The following KLRG1 variants were observed in gnomAD, a reference collection of about 807,000 sequenced individuals.
The protein encoded by KLRG1 is killer cell lectin like receptor G1.
Under a neutral mutation model 21.8 loss-of-function variants are expected in KLRG1, and 16 were observed. The ratio of observed to expected loss-of-function variants is 0.73; its 90% CI spans 0.50 to 1.11. KLRG1 has a LOEUF of 1.11. Ranked by LOEUF, KLRG1 falls within the 50% of genes most tolerant of loss-of-function variation. The pLI, the probability that KLRG1 is intolerant of heterozygous loss-of-function variation, is 0.00. For synonymous variants in KLRG1, 69 were observed against 75.9 expected (o/e 0.91, Z 0.47); for missense variants, 173 against 218.3 (o/e 0.79, Z 1.31).
At chr12:9,107,525 T>C in the KLRG1 span, 106 of 1,613,898 alleles carry the variant, frequency 6.6e-5, no homozygotes, top group Middle Eastern at 9.9e-4. Flanking sequence ...TCAACCTACC[T>C]GTCCACTGAA....
the KLRG1 span, among the ~76,000 whole-genome samples, chr12:9,180,303 A>G: frequency 6.6e-6 from 1 of 152,132 alleles, no homozygotes; most frequent in Non-Finnish European, 1.5e-5. Context: ...AAACTACTTT[A>G]AAGTTCATAT....
At chr12:9,101,130 AT>A in the KLRG1 span, 1 of 1,555,970 alleles carries the variant, frequency 6.4e-7, no homozygotes, top group South Asian at 1.2e-5. Flanking sequence ...TGCAGAGATG[AT>A]GGAAATACTC....
chr12:9,085,485 T>G, the KLRG1 span, among the ~76,000 whole-genome samples: 1 of 151,798 alleles, frequency 6.6e-6, no homozygotes, highest in Non-Finnish European at 1.5e-5. Flanking sequence ...AAATGGAGCA[T>G]AACAAAACAT....
chr12:9,176,405 T>A, the KLRG1 span, among the ~76,000 whole-genome samples: 1 of 152,176 alleles, frequency 6.6e-6, no homozygotes, highest in Non-Finnish European at 1.5e-5. Flanking sequence ...TGGCACATGT[T>A]TACCTATGTA....
intron 1 of KLRG1, among the ~76,000 whole-genome samples, chr12:8,958,856 CAAA>C (rs35772625): frequency 3.8e-5 from 5 of 131,722 alleles, no homozygotes; most frequent in Non-Finnish European, 4.8e-5. Context: ...TACCCTGTAT[CAAA>C]AAAAAAAAAA....
the KLRG1 span, among the ~76,000 whole-genome samples, chr12:9,155,528 C>T: frequency 6.6e-6 from 1 of 152,014 alleles, no homozygotes; most frequent in Non-Finnish European, 1.5e-5. Flanking sequence ...ACTCCATACT[C>T]AGAAATAGTT....
chr12:9,144,102 G>A, the KLRG1 span, among the ~76,000 whole-genome samples: 2 of 152,170 alleles, frequency 1.3e-5, no homozygotes, highest in Admixed American at 6.5e-5. Context: ...CTGGATTAGT[G>A]TCCAATATTG....
chr12:9,089,517 G>A, the KLRG1 span, among the ~76,000 whole-genome samples: 1 of 152,218 alleles, frequency 6.6e-6, no homozygotes, highest in Non-Finnish European at 1.5e-5. Context: ...GAGGTGGGCA[G>A]ATCACTTGAG....
the KLRG1 span, chr12:9,153,206 T>G: frequency 6.2e-7 from 1 of 1,614,198 alleles, no homozygotes; most frequent in Non-Finnish European, 8.5e-7. Flanking sequence ...GCTGCAGTAA[T>G]AGGAGGTTGT....
chr12:9,034,170 A>G, the KLRG1 span, among the ~76,000 whole-genome samples: 1 of 152,262 alleles, frequency 6.6e-6, no homozygotes, highest in African/African-American at 2.4e-5. Flanking sequence ...GTTTCGGTTA[A>G]CAATAGATCA....
At chr12:9,160,244 A>G in the KLRG1 span, 7 of 1,385,710 alleles carry the variant, frequency 5.1e-6, no homozygotes, top group African/African-American at 7.2e-5. Context: ...ATATTTGATG[A>G]TATAACTGAA....
rs752418304 is a variant in KLRG1, at chr12:9,001,432, T to A, written c.357+6144T>A. ...GCTCTGTGACCCGCCCAGCTACAGG[T>A]TTTTCCCCTGCAGGCTCTACCCAAA... On this transcript the variant is annotated intron_variant, in intron 3 of 4. Transcript: ENST00000356986. 1.4e-3 allele frequency among the ~76,000 whole-genome samples: 210 copies of A among 152,136 alleles called. 2 individuals are homozygous for A. The highest frequency in any genetic ancestry group is 4.6e-3 in the African/African-American group (190 of 41,486).
chr12:9,009,123 A>G (rs1565554910), intron 4 of KLRG1, 48 bp downstream of exon 4: 6 of 1,420,086 alleles, frequency 4.2e-6, no homozygotes, highest in Non-Finnish European at 5.9e-6. Flanking sequence ...GGAAAAAGGA[A>G]AGCCAAATTA....
chr12:9,164,228 A>T, the KLRG1 span: 1 of 1,612,936 alleles, frequency 6.2e-7, no homozygotes, highest in Non-Finnish European at 8.5e-7. Flanking sequence ...GGAAGCTAGG[A>T]AGGCTGGAGA....
chr12:9,103,375 A>G, the KLRG1 span, among the ~76,000 whole-genome samples: 13 of 152,154 alleles, frequency 8.5e-5, no homozygotes, highest in Non-Finnish European at 1.5e-5. Flanking sequence ...ACTTTATCTG[A>G]TTCAGATTCT....
At chr12:9,208,657 T>C in the KLRG1 span, among the ~76,000 whole-genome samples, 1 of 152,034 alleles carries the variant, frequency 6.6e-6, no homozygotes, top group African/African-American at 2.4e-5. Flanking sequence ...CTCCATCTCT[T>C]TCAAAATCCT....
At chr12:9,132,674 A>G in the KLRG1 span, among the ~76,000 whole-genome samples, 1 of 125,982 alleles carries the variant, frequency 7.9e-6, no homozygotes, top group Non-Finnish European at 1.7e-5. Context: ...CAGTGGGAAG[A>G]GTGAGAAAAA....
the KLRG1 span, among the ~76,000 whole-genome samples, chr12:9,053,373 C>T: frequency 2.0e-5 from 3 of 152,106 alleles, no homozygotes; most frequent in Non-Finnish European, 4.4e-5. Flanking sequence ...TGGGATCCAT[C>T]AGATGTCTAC....
At chr12:9,161,153 C>G in the KLRG1 span, 10 of 1,452,246 alleles carry the variant, frequency 6.9e-6, no homozygotes, top group Non-Finnish European at 8.5e-6. Flanking sequence ...AGGAGGACAT[C>G]TATGATTACA....
Sources: allele counts gnomAD v4.1 joint callset (sites outside exome capture counted in the v4.1 genomes callset), GRCh38; gene constraint gnomAD v4.1.1; transcripts MANE v1.5; gene names NCBI Gene and HGNC (gene_info 2026-07-23, HGNC 2026-07-21).